TACR3: variants seen among roughly 807,000 people sequenced by gnomAD.
The protein encoded by TACR3 is neuromedin-K receptor.
A neutral mutation model predicts 35.0 loss-of-function variants in TACR3; 34 were observed. That is an observed-to-expected ratio of 0.97 (90% CI 0.74 to 1.30). The LOEUF is 1.30. Ranked by LOEUF, TACR3 falls within the 50% of genes most tolerant of loss-of-function variation. The pLI, the probability that TACR3 is intolerant of heterozygous loss-of-function variation, is 0.00. For synonymous variants in TACR3, 233 were observed against 221.1 expected, an observed-to-expected ratio of 1.05 and a Z score of -0.48; for missense variants, 558 against 591.7, an observed-to-expected ratio of 0.94 and a Z score of 0.59.
At chr4:103,653,476 G>C (rs756082091) in intron 3 of TACR3, among the ~76,000 whole-genome samples, 1 of 151,796 alleles carries the variant, frequency 6.6e-6, no homozygotes, top group African/African-American at 2.4e-5. Flanking sequence ...TTGTTTAGGC[G>C]TACACAGTGA....
At chr4:103,668,583 C>T (rs1454359738) in intron 1 of TACR3, among the ~76,000 whole-genome samples, 1 of 151,816 alleles carries the variant, frequency 6.6e-6, no homozygotes, top group African/African-American at 2.4e-5. Context: ...TGTGGTGGCC[C>T]ACACCTGTAA....
intron 3 of TACR3, among the ~76,000 whole-genome samples, chr4:103,625,736 A>G (rs953353328): frequency 2.6e-5 from 4 of 152,138 alleles, no homozygotes; most frequent in African/African-American, 7.2e-5. Context: ...TAAAGACTTT[A>G]AATAACCTCT....
At chr4:103,669,710 G>A (rs967717395) in intron 1 of TACR3, among the ~76,000 whole-genome samples, 1 of 151,840 alleles carries the variant, frequency 6.6e-6, no homozygotes, top group Non-Finnish European at 1.5e-5. Flanking sequence ...TTCTATTGAG[G>A]TATTTGAGTT....
At chr4:103,707,133 T>C (rs1433386686) in intron 1 of TACR3, among the ~76,000 whole-genome samples, 2 of 152,218 alleles carry the variant, frequency 1.3e-5, no homozygotes, top group African/African-American at 4.8e-5. Context: ...TTTATGACAG[T>C]GTATTTGAGG....
chr4:103,656,430 T>TAA, intron 2 of TACR3, 86 bp from the exon 3 acceptor site: 1 of 1,286,288 alleles, frequency 7.8e-7, no homozygotes, highest in Non-Finnish European at 1.1e-6. Context: ...AAATCATAAT[T>TAA]AAAACTACCA....
At chr4:103,629,341 A>G (rs1412207767) in intron 3 of TACR3, among the ~76,000 whole-genome samples, 2 of 152,148 alleles carry the variant, frequency 1.3e-5, no homozygotes, top group African/African-American at 4.8e-5. Flanking sequence ...GAAAAGAGGA[A>G]GCCAAATTGT....
intron 1 of TACR3, among the ~76,000 whole-genome samples, chr4:103,699,464 A>C (rs1722597700): frequency 6.6e-6 from 1 of 152,170 alleles, no homozygotes; most frequent in Non-Finnish European, 1.5e-5. Context: ...GAGAGAGCTA[A>C]GGAGCCATTG....
chr4:103,702,111 G>A (rs1722665234), intron 1 of TACR3, among the ~76,000 whole-genome samples: 1 of 152,104 alleles, frequency 6.6e-6, no homozygotes, highest in Non-Finnish European at 1.5e-5. Context: ...GAGTGAATAG[G>A]CAACCTACAG....
At chr4:103,604,412 C>A (rs1724296185) in intron 3 of TACR3, among the ~76,000 whole-genome samples, 2 of 152,118 alleles carry the variant, frequency 1.3e-5, no homozygotes, top group Non-Finnish European at 2.9e-5. Flanking sequence ...AAGAATTAAA[C>A]ATAAGACCGA....
At chr4:103,642,475 A>T (rs1725375554) in intron 3 of TACR3, among the ~76,000 whole-genome samples, 1 of 151,836 alleles carries the variant, frequency 6.6e-6, no homozygotes, top group Non-Finnish European at 1.5e-5. Flanking sequence ...TGTTTCAGCC[A>T]TTAAAAAAGA....
intron 1 of TACR3, among the ~76,000 whole-genome samples, chr4:103,694,769 T>C (rs1722485789): frequency 6.6e-6 from 1 of 152,192 alleles, no homozygotes; most frequent in African/African-American, 2.4e-5. Flanking sequence ...AAAGATTTGC[T>C]ATATAAATAT....
At chr4:103,700,225 A>C (rs1722619442) in intron 1 of TACR3, among the ~76,000 whole-genome samples, 1 of 152,132 alleles carries the variant, frequency 6.6e-6, no homozygotes, top group Non-Finnish European at 1.5e-5. Context: ...AGTATCATCG[A>C]ATATTACTTT....
At chr4:103,625,665 T>C (rs1002361529) in intron 3 of TACR3, among the ~76,000 whole-genome samples, 1 of 152,170 alleles carries the variant, frequency 6.6e-6, no homozygotes, top group African/African-American at 2.4e-5. Context: ...GCAGAATTCA[T>C]CCTTGGTGCC....
chr4:103,670,293 C>A (rs1726028228), intron 1 of TACR3, among the ~76,000 whole-genome samples: 1 of 151,940 alleles, frequency 6.6e-6, no homozygotes, highest in African/African-American at 2.4e-5. Context: ...TCTTTTTGCT[C>A]AGAATTACTT....
chr4:103,661,062 G>T (rs1003920259), intron 1 of TACR3, among the ~76,000 whole-genome samples: 3 of 151,906 alleles, frequency 2.0e-5, no homozygotes, highest in Admixed American at 1.3e-4. Flanking sequence ...AGCCAGTTTT[G>T]CCAGTCTTCA....
Position 103,656,281 on chromosome 4 carries a change from G to A in TACR3, c.801C>T (p.Tyr267=), listed in dbSNP as rs1176668346. ...CFPLLIMGIT[Y]TIVGITLWGG... ...CCCAGAGAGTAATTCCAACAATGGT[G>A]TATGTAATACCCATGATGAGCAATG... Residue 267 remains tyrosine, a synonymous_variant, in exon 3 of 5, where the codon TAC becomes TAT. Transcript: ENST00000304883. 3.1e-6 allele frequency: 5 copies of A among 1,612,714 alleles called. No homozygotes were observed. Among genetic ancestry groups the A allele is most frequent in the South Asian group, 2.2e-5 (2 of 91,062 alleles).
chr4:103,718,906 G>C (rs979163099), intron 1 of TACR3, among the ~76,000 whole-genome samples: 1 of 152,098 alleles, frequency 6.6e-6, no homozygotes, highest in Admixed American at 6.5e-5. Flanking sequence ...CCTTAATAAG[G>C]CTCAATGATT....
At chr4:103,607,836 G>T (rs988065225) in intron 3 of TACR3, among the ~76,000 whole-genome samples, 1 of 152,052 alleles carries the variant, frequency 6.6e-6, no homozygotes, top group Non-Finnish European at 1.5e-5. Flanking sequence ...GCAGTGTTTG[G>T]CAAGAAAACT....
At chr4:103,684,155 G>A (rs1460880381) in intron 1 of TACR3, among the ~76,000 whole-genome samples, 1 of 152,006 alleles carries the variant, frequency 6.6e-6, no homozygotes. Flanking sequence ...TATTTTTGCT[G>A]TGATCAAAAC....
Sources: allele counts gnomAD v4.1 joint callset (sites outside exome capture counted in the v4.1 genomes callset), GRCh38; gene constraint gnomAD v4.1.1; transcripts MANE v1.5; gene names NCBI Gene and HGNC (gene_info 2026-07-23, HGNC 2026-07-21).